Variants in CNTLN observed in about 807,000 individuals in gnomAD.
The protein encoded by CNTLN is centlein, centrosomal protein.
Under a neutral mutation model 180.0 loss-of-function variants are expected in CNTLN, and 212 were observed. The observed-to-expected ratio is 1.18, with a 90% CI of 1.05 to 1.32. The LOEUF is 1.32. Among genes scored for constraint, CNTLN ranks in the 40% most tolerant of loss-of-function variants. The pLI is 0.00. For missense variants in CNTLN, 2,095 were observed against 1,610.9 expected, an observed-to-expected ratio of 1.30 and a Z score of -5.14; for synonymous variants, 722 against 563.1, an observed-to-expected ratio of 1.28 and a Z score of -3.99.
rs147832767 is a variant in CNTLN, at chr9:17,307,899, T to C, written c.1147-1159T>C. Among the ~76,000 whole-genome samples, 468 of 152,098 alleles carry C rather than the reference T, an allele frequency of 3.1e-3. 5 individuals carry two copies. Among genetic ancestry groups the C allele is most frequent in the African/African-American group, 0.011 (445 of 41,486 alleles). On this transcript the variant is annotated intron_variant, in intron 7 of 25. Coordinates refer to ENST00000380647, the MANE Select transcript of CNTLN (RefSeq NM_017738.4). ...AGCAAACCTAAAAACTTACCGTAGC[T>C]GTATATAATTTTGAGATTTTTACAT...
intron 6 of CNTLN, among the ~76,000 whole-genome samples, chr9:17,282,044 C>G (rs1303134296): frequency 6.6e-6 from 1 of 152,306 alleles, no homozygotes; most frequent in East Asian, 1.9e-4. Flanking sequence ...CTCACTGCAA[C>G]TTATGCCTCC....
At chr9:17,250,561 A>G (rs1203740122) in intron 5 of CNTLN, among the ~76,000 whole-genome samples, 2 of 152,054 alleles carry the variant, frequency 1.3e-5, no homozygotes, top group Non-Finnish European at 2.9e-5. Flanking sequence ...TTCTAAATTT[A>G]TAGCAATAAA....
chr9:17,160,018 C>T (rs542234329), intron 2 of CNTLN, among the ~76,000 whole-genome samples: 2 of 152,174 alleles, frequency 1.3e-5, no homozygotes, highest in Admixed American at 1.3e-4. Flanking sequence ...AATACTGGAT[C>T]AAAAGATACA....
At chr9:17,309,365 AGT>A in intron 8 of CNTLN, 113 bp downstream of exon 8, 1 of 850,596 alleles carries the variant, frequency 1.2e-6, no homozygotes, top group Non-Finnish European at 1.7e-6. Context: ...GAGTATAAGA[AGT>A]GTGCAGATTG....
chr9:17,368,746 C>T (rs1329928993), intron 13 of CNTLN, among the ~76,000 whole-genome samples: 2 of 152,208 alleles, frequency 1.3e-5, no homozygotes, highest in Non-Finnish European at 2.9e-5. Context: ...CAAGACTGCC[C>T]AGGCAGTAGT....
intron 18 of CNTLN, among the ~76,000 whole-genome samples, chr9:17,433,653 G>A (rs533806005): frequency 2.6e-4 from 40 of 152,028 alleles, no homozygotes; most frequent in South Asian, 2.5e-3. Flanking sequence ...GTTGAGACAG[G>A]GTCTTTCTCT....
At chr9:17,284,847 T>G (rs934227491) in intron 6 of CNTLN, among the ~76,000 whole-genome samples, 1 of 152,112 alleles carries the variant, frequency 6.6e-6, no homozygotes, top group Non-Finnish European at 1.5e-5. Flanking sequence ...AGTTTTGATG[T>G]TAGGGTGTCA....
At chr9:17,201,682 T>G (rs886717522) in intron 2 of CNTLN, among the ~76,000 whole-genome samples, 1 of 152,140 alleles carries the variant, frequency 6.6e-6, no homozygotes, top group Non-Finnish European at 1.5e-5. Context: ...AGTGGTGATA[T>G]CCCCTTTATA....
intron 6 of CNTLN, among the ~76,000 whole-genome samples, chr9:17,294,246 G>T (rs1817627434): frequency 6.6e-6 from 1 of 152,020 alleles, no homozygotes; most frequent in Non-Finnish European, 1.5e-5. Flanking sequence ...GACCCAAGGG[G>T]GTTGCCACTG....
At chr9:17,149,512 C>CTTTTTTTTTTTT (rs55691769) in intron 2 of CNTLN, among the ~76,000 whole-genome samples, 2 of 106,156 alleles carry the variant, frequency 1.9e-5, no homozygotes, top group African/African-American at 3.8e-5. Flanking sequence ...TTCTTTCTTT[C>CTTTTTTTTTTTT]TTTTTTTTTT....
At chr9:17,416,938 T>C (rs1828299876) in intron 18 of CNTLN, among the ~76,000 whole-genome samples, 1 of 152,198 alleles carries the variant, frequency 6.6e-6, no homozygotes, top group South Asian at 2.1e-4. Flanking sequence ...AATTTTAAGT[T>C]ACACTTAAAT....
At chr9:17,381,894 A>G (rs1825282129) in intron 13 of CNTLN, among the ~76,000 whole-genome samples, 2 of 152,118 alleles carry the variant, frequency 1.3e-5, no homozygotes, top group African/African-American at 4.8e-5. Context: ...GATGTTGGAA[A>G]TTTCCAAGGG....
At position 17,135,183 on chromosome 9, in the gene CNTLN, G is replaced by T; in HGVS notation, c.118G>T (p.Gly40Cys). Reference protein sequence around the residue: ...EVHAMRSEASGFAGAAREVVA... With the variant: ...EVHAMRSEASCFAGAAREVVA... ...ACACGCAATGCGCAGCGAGGCCTCG[G>T]GTTTTGCCGGCGCAGCGCGGGAGGT... The change falls in exon 1 of 26, where the codon GGT (glycine) becomes TGT (cysteine). Residue 40 changes from glycine to cysteine, a missense_variant. By Grantham distance (159) the Gly-to-Cys change is radical. Coordinates refer to ENST00000380647, the MANE Select transcript of CNTLN (RefSeq NM_017738.4). 6.2e-7 allele frequency: 1 copy of T among 1,610,666 alleles called. No homozygotes were observed. The highest frequency in any genetic ancestry group is 1.7e-5 in the Admixed American group (1 of 59,646).
At chr9:17,165,934 C>T (rs1220671941) in intron 2 of CNTLN, among the ~76,000 whole-genome samples, 2 of 152,170 alleles carry the variant, frequency 1.3e-5, no homozygotes, top group African/African-American at 2.4e-5. Flanking sequence ...CTATAGAGAC[C>T]TTTGGGCAAG....
chr9:17,340,985 A>G (rs1821437904), intron 11 of CNTLN, 37 bp downstream of exon 11: 5 of 1,575,560 alleles, frequency 3.2e-6, no homozygotes, highest in Admixed American at 1.8e-5. Context: ...TTCCCTAAAT[A>G]TTAAATGGAA....
rs186833003 is a variant in CNTLN at position 17,335,536 on chromosome 9, A to G, written c.1644+2806A>G. ...GTTTCAAAAATTATTTATGTTTTTA[A>G]TCAATTCAGAATTAGAATTGCAAAG... On this transcript the variant is annotated intron_variant, in intron 10 of 25. Coordinates refer to ENST00000380647, the MANE Select transcript of CNTLN (RefSeq NM_017738.4). Among the ~76,000 whole-genome samples, 793 of 152,282 alleles carry G rather than the reference A, an allele frequency of 5.2e-3. 5 individuals are homozygous for G. Among genetic ancestry groups the G allele is most frequent in the Admixed American group, 8.2e-3 (125 of 15,288 alleles).
intron 5 of CNTLN, among the ~76,000 whole-genome samples, chr9:17,270,947 C>CTTTTTTTTTTTTTTTTTT (rs78896738): frequency 1.6e-5 from 2 of 122,154 alleles, no homozygotes; most frequent in Non-Finnish European, 1.7e-5. Flanking sequence ...GAGAGGAGTT[C>CTTTTTTTTTTTTTTTTTT]TTTTTTTTTT....
chr9:17,476,101 A>T (rs866720564), intron 23 of CNTLN, among the ~76,000 whole-genome samples: 8 of 152,110 alleles, frequency 5.3e-5, no homozygotes, highest in Non-Finnish European at 1.0e-4. Context: ...CAGTATTTCA[A>T]ACTTGTTCAT....
At chr9:17,262,285 T>C (rs951200705) in intron 5 of CNTLN, among the ~76,000 whole-genome samples, 2 of 151,540 alleles carry the variant, frequency 1.3e-5, no homozygotes, top group African/African-American at 2.4e-5. Context: ...CGTATGTTTA[T>C]TGCAGCACTA....
Sources: gnomAD v4.1 joint callset for allele counts (sites outside exome capture counted in the v4.1 genomes callset) on GRCh38, gnomAD v4.1.1 for gene constraint, MANE v1.5 for transcripts, NCBI Gene and HGNC (gene_info 2026-07-23, HGNC 2026-07-21) for gene names.